The following CERT1 variants were observed in gnomAD, a reference collection of about 807,000 sequenced individuals.
CERT1 encodes the protein ceramide transfer protein.
CERT1 carries 31 observed loss-of-function variants against 87.9 expected under a neutral mutation model. That is an observed-to-expected ratio of 0.35 (90% CI 0.27 to 0.48). The LOEUF is 0.48. Ranked by LOEUF, CERT1 falls within the 20% of genes least tolerant of loss-of-function variation. The pLI is 0.99. For synonymous variants in CERT1, 289 were observed against 250.9 expected (o/e 1.15, Z -1.44); for missense variants, 487 against 758.0 (o/e 0.64, Z 4.20).
Position 75,511,315 on chromosome 5 carries a change from C to A in CERT1, c.-108G>T, listed in dbSNP as rs767483979. 1.9e-6 allele frequency: 3 copies of A among 1,549,944 alleles called. No individual in the cohort carries two copies. The highest frequency in any genetic ancestry group is 2.4e-5 in the South Asian group (2 of 84,164). The stretch of plus-strand genomic sequence containing the variant: ...TCGGGGGATGGCGAAGCGAAGAGTG[C>A]CCGCTCCGGTGTGGGGGGGAGCAGG... On this transcript the variant is annotated 5_prime_UTR_variant, in exon 1 of 17. Transcript: ENST00000643780.
intron 12 of CERT1, among the ~76,000 whole-genome samples, chr5:75,386,449 A>G (rs1761787680): frequency 1.3e-5 from 2 of 152,250 alleles, no homozygotes; most frequent in Non-Finnish European, 2.9e-5. Flanking sequence ...AGTATATGAA[A>G]CACAATAGGC....
chr5:75,491,597 T>C (rs1766801647), intron 2 of CERT1, among the ~76,000 whole-genome samples: 1 of 152,162 alleles, frequency 6.6e-6, no homozygotes. Context: ...AAGGAACATA[T>C]CTTGGTCTAA....
chr5:75,502,581 C>T (rs1283256859), intron 2 of CERT1, among the ~76,000 whole-genome samples: 1 of 152,010 alleles, frequency 6.6e-6, no homozygotes, highest in Non-Finnish European at 1.5e-5. Context: ...TAATATGATA[C>T]CATTTGTGTA....
At chr5:75,504,352 A>C (rs984033934) in intron 2 of CERT1, among the ~76,000 whole-genome samples, 1 of 152,170 alleles carries the variant, frequency 6.6e-6, no homozygotes, top group Non-Finnish European at 1.5e-5. Flanking sequence ...TTTCCTAAAA[A>C]TTGTCTCTAA....
intron 2 of CERT1, among the ~76,000 whole-genome samples, chr5:75,486,936 C>A: frequency 6.6e-6 from 1 of 151,910 alleles, no homozygotes; most frequent in Non-Finnish European, 1.5e-5. Flanking sequence ...TGATGCAATC[C>A]CTATCAAAAT....
chr5:75,495,942 A>C (rs55974972), intron 2 of CERT1, among the ~76,000 whole-genome samples: 56 of 152,144 alleles, frequency 3.7e-4, no homozygotes, highest in African/African-American at 1.3e-3. Context: ...CTGAAAAAAA[A>C]ATAAATAAAT....
chr5:75,498,596 G>A (rs922407225), intron 2 of CERT1, among the ~76,000 whole-genome samples: 2 of 152,236 alleles, frequency 1.3e-5, no homozygotes, highest in African/African-American at 2.4e-5. Context: ...GCTTTCCCAC[G>A]GTGTTGGGCC....
In CERT1 at chr5:75,506,424, C is replaced by T. The variant is rs145865729; in HGVS notation, c.97-308G>A. Among the ~76,000 whole-genome samples the T allele has an allele frequency of 1.6e-3, 242 of 152,206 alleles. 1 individual carries two copies. The highest frequency in any genetic ancestry group is 2.9e-3 in the Non-Finnish European group (200 of 68,000). On this transcript the variant is annotated intron_variant, in intron 1 of 16. Transcript: ENST00000643780. ...TTGGTTAAAATTATTGTTTATTCTT[C>T]GTATGCTTTCATCCTCTCCTAAGTA...
chr5:75,487,543 A>G (rs2112414738), intron 2 of CERT1, among the ~76,000 whole-genome samples: 1 of 152,232 alleles, frequency 6.6e-6, no homozygotes, highest in African/African-American at 2.4e-5. Flanking sequence ...GACAACCTAC[A>G]GAATGGGAGA....
At chr5:75,381,833 C>G in intron 15 of CERT1, 116 bp downstream of exon 15, 1 of 970,686 alleles carries the variant, frequency 1.0e-6, no homozygotes. Context: ...AACATAAAAT[C>G]TAAGAACCAT....
intron 3 of CERT1, among the ~76,000 whole-genome samples, chr5:75,429,194 AATAATTATTATTATTATT>A (rs1318548957): frequency 6.8e-6 from 1 of 146,956 alleles, no homozygotes; most frequent in African/African-American, 2.5e-5. Flanking sequence ...TAATAATAAT[AATAATTATTATTATTATT>A]ATTTTGAGAC....
At chr5:75,451,166 T>C (rs914260478) in intron 3 of CERT1, among the ~76,000 whole-genome samples, 1 of 152,212 alleles carries the variant, frequency 6.6e-6, no homozygotes. Context: ...TGATACTATC[T>C]ACATTGTGGT....
At chr5:75,405,846 T>C (rs1010071258) in intron 8 of CERT1, among the ~76,000 whole-genome samples, 7 of 145,842 alleles carry the variant, frequency 4.8e-5, no homozygotes, top group East Asian at 2.1e-4. Context: ...ACAGTGTATA[T>C]AGGGTTCAGT....
At chr5:75,505,943 C>A (rs1580870195) in intron 2 of CERT1, 39 bp downstream of exon 2, 3 of 1,548,570 alleles carry the variant, frequency 1.9e-6, no homozygotes, top group East Asian at 4.5e-5. Context: ...AGCTGACACT[C>A]AATAAATATT....
At chr5:75,483,216 T>C (rs1766337327) in intron 2 of CERT1, among the ~76,000 whole-genome samples, 2 of 152,224 alleles carry the variant, frequency 1.3e-5, no homozygotes, top group South Asian at 2.1e-4. Flanking sequence ...GTGGAAATTC[T>C]AGAGCTGAAA....
intron 11 of CERT1, among the ~76,000 whole-genome samples, chr5:75,394,827 T>C (rs951107363): frequency 6.6e-6 from 1 of 152,144 alleles, no homozygotes; most frequent in Admixed American, 6.5e-5. Flanking sequence ...AAGGAAATAA[T>C]TAGATAAGGG....
At chr5:75,466,680 A>T (rs1053525582) in intron 2 of CERT1, among the ~76,000 whole-genome samples, 1 of 152,134 alleles carries the variant, frequency 6.6e-6, no homozygotes, top group African/African-American at 2.4e-5. Flanking sequence ...GGAGGGTCCT[A>T]AGGTAATGGT....
chr5:75,382,142 G>A, intron 14 of CERT1, 65 bp from the exon 15 acceptor site: 2 of 1,447,078 alleles, frequency 1.4e-6, no homozygotes, highest in Non-Finnish European at 9.5e-7. Context: ...GAAACGTAAT[G>A]CCAATAAATG....
intron 8 of CERT1, among the ~76,000 whole-genome samples, chr5:75,407,365 A>T (rs1296642683): frequency 6.6e-6 from 1 of 152,018 alleles, no homozygotes; most frequent in Non-Finnish European, 1.5e-5. Flanking sequence ...ATGATACCAA[A>T]TGTGGAGAAA....
Sources: gnomAD v4.1 joint callset for allele counts (sites outside exome capture counted in the v4.1 genomes callset) on GRCh38, gnomAD v4.1.1 for gene constraint, MANE v1.5 for transcripts, NCBI Gene and HGNC (gene_info 2026-07-23, HGNC 2026-07-21) for gene names.